The following ROBO2 variants were observed in gnomAD, a reference collection of about 807,000 sequenced individuals.
The protein encoded by ROBO2 is roundabout guidance receptor 2.
Under a neutral mutation model 160.8 loss-of-function variants are expected in ROBO2, and 53 were observed. The ratio of observed to expected loss-of-function variants is 0.33; its 90% confidence interval spans 0.26 to 0.41. ROBO2 has a LOEUF of 0.41. ROBO2 is among the 10% of genes least tolerant of loss of function. The pLI, the probability that ROBO2 is intolerant of heterozygous loss-of-function variation, is 1.00. For missense variants in ROBO2, 1,577 were observed against 1,722.4 expected (o/e 0.92, Z 1.49); for synonymous variants, 664 against 611.7 (o/e 1.09, Z -1.26).
intron 24 of ROBO2, among the ~76,000 whole-genome samples, chr3:77,641,339 A>T (rs1302136129): frequency 6.6e-6 from 1 of 152,232 alleles, no homozygotes; most frequent in African/African-American, 2.4e-5. Flanking sequence ...TCCAGAGACC[A>T]ACATTATCAG....
chr3:76,628,233 AAAC>A lies in ROBO2; in HGVS notation c.110-469777_110-469775del, dbSNP rs1375199229. 4.6e-5 allele frequency among the ~76,000 whole-genome samples: 7 copies of A among 152,126 alleles called. No individual in the cohort carries two copies. The South Asian group carries it at 1.5e-3, about 32-fold the overall frequency. On this transcript the variant is annotated intron_variant, in intron 2 of 26. Transcript: ENST00000487694. ...TAATACTTGTCGACTGCTAAGATAAAAACAACGTGTGTTTTTTTCTTTCTTTTT... is the reference window on the plus strand; with the variant it reads ...TAATACTTGTCGACTGCTAAGATAAAAACGTGTGTTTTTTTCTTTCTTTTT...
At chr3:75,982,983 G>T (rs191988756) in intron 2 of ROBO2, among the ~76,000 whole-genome samples, 6 of 151,470 alleles carry the variant, frequency 4.0e-5, no homozygotes, top group Non-Finnish European at 3.0e-5. Flanking sequence ...ACTAGCACTC[G>T]CAATGTGAGG....
chr3:76,077,140 A>G (rs73842966), intron 2 of ROBO2, among the ~76,000 whole-genome samples: 2,993 of 152,336 alleles, frequency 0.02, 35 homozygotes, highest in East Asian at 0.081. Flanking sequence ...GGCAACTTCA[A>G]TAATTAATTG....
chr3:76,458,253 T>C (rs1045031536), intron 2 of ROBO2, among the ~76,000 whole-genome samples: 7 of 152,098 alleles, frequency 4.6e-5, no homozygotes, highest in African/African-American at 1.4e-4. Context: ...TGCTTAGAAA[T>C]TTCTTCCTCC....
chr3:77,037,546 T>C (rs2063711144), upstream of ROBO2, among the ~76,000 whole-genome samples: 1 of 152,172 alleles, frequency 6.6e-6, no homozygotes, highest in Admixed American at 6.5e-5. Context: ...ATGTAATTTG[T>C]CATACCCTAC....
intron 2 of ROBO2, among the ~76,000 whole-genome samples, chr3:76,525,234 T>A (rs1240656476): frequency 6.6e-6 from 1 of 151,850 alleles, no homozygotes; most frequent in Non-Finnish European, 1.5e-5. Context: ...ATAGACATTT[T>A]GGAAAGAATA....
intron 5 of ROBO2, among the ~76,000 whole-genome samples, chr3:77,514,470 A>G (rs1377822207): frequency 6.6e-6 from 1 of 151,828 alleles, no homozygotes; most frequent in Non-Finnish European, 1.5e-5. Flanking sequence ...AGAGCAATAA[A>G]CACACACATC....
intron 2 of ROBO2, among the ~76,000 whole-genome samples, chr3:76,397,099 C>T (rs1219877064): frequency 1.1e-4 from 17 of 152,256 alleles, no homozygotes; most frequent in East Asian, 5.8e-4. Context: ...GTAACCAAAA[C>T]GGCATGATAC....
chr3:77,233,800 G>A (rs568272424), intron 2 of ROBO2, among the ~76,000 whole-genome samples: 15 of 152,014 alleles, frequency 9.9e-5, no homozygotes, highest in Admixed American at 3.3e-4. Flanking sequence ...TCTGGTTTTC[G>A]CTCAAGAAAA....
At chr3:77,009,798 T>C (rs1315070403) in intron 2 of ROBO2, among the ~76,000 whole-genome samples, 2 of 151,732 alleles carry the variant, frequency 1.3e-5, no homozygotes, top group Non-Finnish European at 2.9e-5. Flanking sequence ...ATACAAAAAT[T>C]AGCTGGGTGT....
In ROBO2 at chr3:77,521,918, G is replaced by A. The variant is rs558877419; in HGVS notation, c.807-857G>A. 2.2e-4 allele frequency among the ~76,000 whole-genome samples: 33 copies of A among 151,338 alleles called. 1 individual carries two copies. The highest frequency in any genetic ancestry group is 6.0e-4 in the African/African-American group (25 of 41,424). On this transcript the variant is annotated intron_variant, in intron 5 of 25. Transcript: ENST00000461745. The stretch of plus-strand genomic sequence containing the variant: ...GGAAACATGGATCTAACTGTGGTAT[G>A]TATGAGGAAGAGAAGCAAGGTGGCC...
intron 2 of ROBO2, among the ~76,000 whole-genome samples, chr3:76,791,500 T>C (rs2063349792): frequency 6.6e-6 from 1 of 151,502 alleles, no homozygotes; most frequent in South Asian, 2.1e-4. Flanking sequence ...TTCTCTTTTC[T>C]CTCTCTCTGT....
chr3:77,362,662 G>A (rs919909067), intron 2 of ROBO2, among the ~76,000 whole-genome samples: 11 of 152,206 alleles, frequency 7.2e-5, no homozygotes, highest in African/African-American at 2.6e-4. Flanking sequence ...ACTAAATTAG[G>A]CAAAGAAGAG....
At chr3:75,937,006 A>G (rs112284308) in intron 1 of ROBO2, among the ~76,000 whole-genome samples, 130 of 152,226 alleles carry the variant, frequency 8.5e-4, no homozygotes, top group African/African-American at 2.9e-3. Flanking sequence ...TAATTAGAAT[A>G]CCACTTAAAA....
intron 2 of ROBO2, among the ~76,000 whole-genome samples, chr3:75,960,858 TATG>T (rs1948885868): frequency 6.6e-6 from 1 of 151,676 alleles, no homozygotes; most frequent in Admixed American, 6.6e-5. Flanking sequence ...GAAATATAAA[TATG>T]AAGATATTGG....
intron 2 of ROBO2, among the ~76,000 whole-genome samples, chr3:76,119,866 CCCCTTCCTTCCCTTCCTTCCCTT>C (rs2070647873): frequency 6.8e-6 from 1 of 147,888 alleles, no homozygotes; most frequent in African/African-American, 2.5e-5. Flanking sequence ...CTCTCTCCCT[CCCCTTCCTTCCCTTCCTTCCCTT>C]CCCTTCCTTC....
chr3:77,034,345 T>C (rs1388456532), intron 2 of ROBO2, among the ~76,000 whole-genome samples: 1 of 149,360 alleles, frequency 6.7e-6, no homozygotes, highest in Non-Finnish European at 1.5e-5. Flanking sequence ...GCTGGCATTG[T>C]ATCTAACAAC....
At chr3:76,844,921 T>A (rs866744670) in intron 2 of ROBO2, among the ~76,000 whole-genome samples, 20 of 151,984 alleles carry the variant, frequency 1.3e-4, no homozygotes, top group African/African-American at 4.6e-4. Context: ...AGCAAATTTT[T>A]AAATAATTTT....
intron 2 of ROBO2, among the ~76,000 whole-genome samples, chr3:76,385,353 A>C (rs1203923913): frequency 6.6e-6 from 1 of 152,214 alleles, no homozygotes; most frequent in Non-Finnish European, 1.5e-5. Context: ...ATTTTATATA[A>C]AAATAGTTTC....
Sources: gnomAD v4.1 joint callset for allele counts (sites outside exome capture counted in the v4.1 genomes callset) on GRCh38, gnomAD v4.1.1 for gene constraint, MANE v1.5 for transcripts, NCBI Gene and HGNC (gene_info 2026-07-23, HGNC 2026-07-21) for gene names.